The following MUC4 variants were observed in gnomAD, a reference collection of about 807,000 sequenced individuals.
MUC4 encodes the protein mucin-4.
MUC4 carries 202 observed loss-of-function variants against 257.9 expected under a neutral mutation model. The observed-to-expected ratio is 0.78, with a 90% CI of 0.70 to 0.88. The LOEUF is 0.88. MUC4 is among the 40% of genes least tolerant of loss of function. The pLI, the probability that MUC4 is intolerant of heterozygous loss-of-function variation, is 0.00. For missense variants in MUC4, 5,976 were observed against 6,513.7 expected, an observed-to-expected ratio of 0.92 and a Z score of 2.84; for synonymous variants, 2,351 against 2,757.1, an observed-to-expected ratio of 0.85 and a Z score of 4.62.
chr3:195,783,427 G>C lies in MUC4; in HGVS notation c.8153C>G (p.Thr2718Ser). The stretch of plus-strand genomic sequence containing the variant: ...AGTGTCGGTGACAGGAAGAGAGGTG[G>C]TGTCACCTGTGTATGCTGAGGAAGT... ...TDTSSAYTGD[T>S]TSLPVTDTSS... Residue 2718 changes from threonine to serine, a missense_variant, in exon 2 of 25, where the codon ACC (threonine) becomes AGC (serine). Physicochemically the swap from Thr to Ser is moderately conservative, Grantham distance 58. Around this residue, in one of 44 missense-constraint regions of MUC4, gnomAD observed 75 missense variants for 58.7 expected, o/e 1.28. Coordinates refer to ENST00000463781, the MANE Select transcript of MUC4 (RefSeq NM_018406.7). 4.7e-6 allele frequency: 3 copies of C among 639,942 alleles called. No homozygotes were observed. The highest frequency in any genetic ancestry group is 6.6e-5 in the East Asian group (2 of 30,440). 39.6% of individuals were successfully genotyped at this position (639,942 alleles called of 1,614,324 possible).
chr3:195,807,237 G>A, intron 1 of MUC4, among the ~76,000 whole-genome samples: 1 of 152,204 alleles, frequency 6.6e-6, no homozygotes, highest in Non-Finnish European at 1.5e-5. Context: ...TGGGAGCCGA[G>A]GCGAGCGGAT....
chr3:195,751,316 CG>C (rs750819370), intron 21 of MUC4, 45 bp from the exon 22 acceptor site: 115 of 1,455,052 alleles, frequency 7.9e-5, no homozygotes, highest in African/African-American at 7.1e-4. Context: ...AGGCCCCATC[CG>C]GGGGGGAGAC....
In MUC4 at chr3:195,783,866, C is replaced by G. The variant is rs774305724; in HGVS notation, c.7714G>C (p.Gly2572Arg). 86 of 1,506,538 alleles carry G rather than the reference C, an allele frequency of 5.7e-5. 4 individuals carry two copies. The African/African-American group carries it at 1.1e-3, about 20-fold the overall frequency. 93.3% of individuals were successfully genotyped at this position (1,506,538 alleles called of 1,614,324 possible). ...GTGACAGGAAGAGGGGTGGCGTGAC[C>G]TGTGGATGCTGCGGAAGTGTCGGTG... ...PVTDTSAAST[G>R]HATPLPVTST... Residue 2572 changes from glycine (G) to arginine (R), a missense_variant, in exon 2 of 25, where the codon GGT (glycine) becomes CGT (arginine). This residue lies in a region of MUC4 where 135 missense variants were observed against 114.7 expected (regional missense o/e 1.18). Coordinates refer to ENST00000463781, the MANE Select transcript of MUC4 (RefSeq NM_018406.7).
chr3:195,770,130 G>A (rs1722479202), intron 6 of MUC4, 86 bp downstream of exon 6: 3 of 1,324,594 alleles, frequency 2.3e-6, no homozygotes, highest in African/African-American at 3.1e-5. Flanking sequence ...GAGCCAGAGA[G>A]GATTTTGGAA....
Position 195,791,241 on chromosome 3 carries a change from T to TGTCTCCTGCATAACA in MUC4, c.338_339insTGTTATGCAGGAGAC (p.Thr113_Ala114insValMetGlnGluThr), listed in dbSNP as rs71180965. On this transcript the variant is annotated inframe_insertion, in exon 2 of 25. Coordinates refer to ENST00000463781, the MANE Select transcript of MUC4 (RefSeq NM_018406.7). ...ATGTGGTCATTTCATCTGGAGGAGC[T>TGTCTCCTGCATAACA]GTCTCCATCACATTGTGTACACTTG... The TGTCTCCTGCATAACA allele has an allele frequency of 1.7e-5, 28 of 1,613,162 alleles. No homozygotes were observed. The highest frequency in any genetic ancestry group is 5.0e-5 in the Admixed American group (3 of 59,950).
intron 19 of MUC4, 53 bp from the exon 20 acceptor site, chr3:195,753,283 G>A: frequency 6.4e-7 from 1 of 1,571,104 alleles, no homozygotes; most frequent in African/African-American, 1.4e-5. Context: ...CAGAGGGACG[G>A]CCCAGCCCGT....
intron 23 of MUC4, among the ~76,000 whole-genome samples, chr3:195,749,658 A>C (rs1401581251): frequency 6.6e-6 from 1 of 152,234 alleles, no homozygotes; most frequent in African/African-American, 2.4e-5. Flanking sequence ...ACATACCATC[A>C]TAATATGTCA....
intron 4 of MUC4, among the ~76,000 whole-genome samples, chr3:195,773,464 C>T (rs547465848): frequency 5.3e-5 from 8 of 151,130 alleles, no homozygotes; most frequent in Admixed American, 3.9e-4. Context: ...CTCTCTCCAT[C>T]GCTCAGCAGG....
At chr3:195,764,390 G>A (rs1329274898) in intron 10 of MUC4, among the ~76,000 whole-genome samples, 1 of 152,148 alleles carries the variant, frequency 6.6e-6, no homozygotes, top group African/African-American at 2.4e-5. Flanking sequence ...ATCCAGCATG[G>A]CCCTTCTCAT....
intron 1 of MUC4, among the ~76,000 whole-genome samples, chr3:195,805,218 C>T (rs980530316): frequency 6.6e-6 from 1 of 152,116 alleles, no homozygotes; most frequent in Non-Finnish European, 1.5e-5. Context: ...CAACGATCCC[C>T]GCCGAAGTCA....
At chr3:195,811,515 C>T (rs1198653289) in intron 1 of MUC4, among the ~76,000 whole-genome samples, 1 of 152,002 alleles carries the variant, frequency 6.6e-6, no homozygotes, top group African/African-American at 2.4e-5. Context: ...CTCTTCTTTC[C>T]CTCTCTGGGT....
chr3:195,811,631 T>C, intron 1 of MUC4, 105 bp downstream of exon 1: 1 of 192,890 alleles, frequency 5.2e-6, no homozygotes, highest in Non-Finnish European at 9.5e-6. Context: ...TTTCCCCTAT[T>C]CTCTCTCTCT....
rs771027430 is a variant in MUC4, at chr3:195,762,212, T to C, written c.14387A>G (p.Asn4796Ser). ...FNATGVLLSR[N>S]GSEVSASFDG... is the part of the protein sequence containing the mutation. The stretch of plus-strand genomic sequence containing the variant: ...GAAGCTGGCCGAGACCTCAGAGCCG[T>C]TGCGGCTCAGGAGGACTCCGGTGGC... The change falls in exon 14 of 25, where the codon AAC becomes AGC. Residue 4796 changes from asparagine to serine, a missense_variant. Coordinates refer to ENST00000463781, the MANE Select transcript of MUC4 (RefSeq NM_018406.7). The C allele has an allele frequency of 8.1e-6, 13 of 1,596,166 alleles. No individual in the cohort carries two copies. The highest frequency in any genetic ancestry group is 1.3e-5 in the African/African-American group (1 of 74,322).
At chr3:195,754,933 C>CAT (rs372757585) in intron 18 of MUC4, among the ~76,000 whole-genome samples, 32 of 83,778 alleles carry the variant, frequency 3.8e-4, no homozygotes, top group Admixed American at 2.5e-3. Context: ...TGCATGTATC[C>CAT]ATGTATGTAT....
rs1209995145 is a variant in MUC4, at chr3:195,810,826, A to G, written c.82+910T>C. ...TCGTCCTCTCACCCTGCAGCTTTAC[A>G]TGAGTTTTCTTCCGTCTCCATCACC... On this transcript the variant is annotated intron_variant, in intron 1 of 24. Transcript: ENST00000463781. This position sits in a 1 kb window ranked among gnomAD's most constrained non-coding sequence, Gnocchi z 4.2. Among the ~76,000 whole-genome samples the G allele has an allele frequency of 6.6e-6, 1 of 151,588 alleles. No homozygotes were observed. Among genetic ancestry groups the G allele is most frequent in the East Asian group, 1.9e-4 (1 of 5,148 alleles).
chr3:195,778,239 C>G (rs1215509608), intron 3 of MUC4, 64 bp downstream of exon 3: 2 of 1,514,134 alleles, frequency 1.3e-6, no homozygotes, highest in East Asian at 2.4e-5. Context: ...GGGAAGTAGG[C>G]TGAGAGGGAG....
At chr3:195,798,620 C>T (rs1173803365) in intron 1 of MUC4, among the ~76,000 whole-genome samples, 2 of 114,880 alleles carry the variant, frequency 1.7e-5, no homozygotes, top group Admixed American at 8.8e-5. Flanking sequence ...AGGAGAATGG[C>T]GTGAACCCGG....
intron 13 of MUC4, 25 bp from the exon 14 acceptor site, chr3:195,762,279 A>G (rs926042337): frequency 2.6e-6 from 4 of 1,552,642 alleles, no homozygotes; most frequent in Non-Finnish European, 3.5e-6. Context: ...GGCAGCGGAG[A>G]GGAAGCCAGG....
At position 195,775,408 on chromosome 3, in the gene MUC4, A is replaced by G. The variant is rs1334120450; in HGVS notation, c.12944-1103T>C. On this transcript the variant is annotated intron_variant, in intron 3 of 24. Transcript: ENST00000463781. ...TACCTTCCACACCCATACCTTCCACACCCATACCTTCCACACCCATACCTT... is the reference window on the plus strand; with the variant it reads ...TACCTTCCACACCCATACCTTCCACGCCCATACCTTCCACACCCATACCTT... 2.6e-4 allele frequency among the ~76,000 whole-genome samples: 29 copies of G among 110,734 alleles called. 2 individuals are homozygous for G. The highest frequency in any genetic ancestry group is 5.3e-4 in the Admixed American group (6 of 11,422). The allele number at this position is 110,734 out of a possible 152,430, so 72.6% of individuals were successfully genotyped here. A position where few individuals can be genotyped will look rare whatever the true frequency, so the allele number is the denominator to read the frequency against.
Sources: gnomAD v4.1 joint callset for allele counts (sites outside exome capture counted in the v4.1 genomes callset) on GRCh38, gnomAD v4.1.1 for gene constraint, gnomAD v4.1.1 regional missense constraint, Gnocchi (gnomAD v3.1) non-coding constraint, MANE v1.5 for transcripts, NCBI Gene and HGNC (gene_info 2026-07-23, HGNC 2026-07-21) for gene names.